The following MSH3 variants were observed in gnomAD, a reference collection of about 807,000 sequenced individuals.
MSH3 encodes mutS homolog 3.
In MSH3, 106 loss-of-function variants were observed where a neutral mutation model predicts 123.3. That is an observed-to-expected ratio of 0.86 (90% confidence interval 0.73 to 1.01). MSH3 has a LOEUF of 1.01. Among genes scored for constraint, MSH3 ranks in the 50% least tolerant of loss-of-function variants. The probability of loss-of-function intolerance (pLI) is 0.00; values close to 1 mark genes in which losing one functional copy is unlikely to be tolerated. For missense variants in MSH3, 1,459 were observed against 1,347.6 expected (o/e 1.08, Z -1.29); for synonymous variants, 515 against 481.4 (o/e 1.07, Z -0.91).
At chr5:80,668,600 T>C (rs1677645) in intron 3 of MSH3, among the ~76,000 whole-genome samples, 42,223 of 152,146 alleles carry the variant, frequency 0.28, 6,107 homozygotes, top group Middle Eastern at 0.35. Flanking sequence ...GGCTTGGCCT[T>C]AACTTTGAGA....
chr5:80,686,494 A>G (rs1334260029), intron 8 of MSH3, among the ~76,000 whole-genome samples: 3 of 151,846 alleles, frequency 2.0e-5, no homozygotes, highest in Non-Finnish European at 2.9e-5. Context: ...TAGTAGAGAC[A>G]GGATACGGGG....
chr5:80,868,822 A>C (rs555517802), intron 22 of MSH3, among the ~76,000 whole-genome samples: 1 of 151,924 alleles, frequency 6.6e-6, no homozygotes, highest in South Asian at 2.1e-4. Context: ...TTTATAGTTC[A>C]GCCAGGATTA....
In MSH3 at chr5:80,827,836, GAGAT is replaced by G. The variant is rs1257368904; in HGVS notation, c.2813+14101_2813+14104del. Among the ~76,000 whole-genome samples, 6 of 152,276 alleles carry G rather than the reference GAGAT, an allele frequency of 3.9e-5. No individual in the cohort carries two copies. The East Asian group carries it at 1.2e-3, about 29-fold the overall frequency. ...AAATCTTCTGATTGAAGATCCCCTG[GAGAT>G]AGATACTGTTGTAGTAGGTATGATG... On this transcript the variant is annotated intron_variant, in intron 20 of 23. Transcript: ENST00000265081.
intron 2 of MSH3, among the ~76,000 whole-genome samples, chr5:80,664,519 C>T (rs1749520503): frequency 6.6e-6 from 1 of 152,122 alleles, no homozygotes; most frequent in Admixed American, 6.5e-5. Context: ...ACTCCATCAA[C>T]TGTGCTTGTT....
chr5:80,700,170 C>T (rs1043415534), intron 8 of MSH3, among the ~76,000 whole-genome samples: 4 of 151,972 alleles, frequency 2.6e-5, no homozygotes. Flanking sequence ...ACTTGAGGTC[C>T]GGAGTTCAAG....
intron 18 of MSH3, among the ~76,000 whole-genome samples, chr5:80,788,758 G>A (rs1423639884): frequency 1.3e-5 from 2 of 150,130 alleles, no homozygotes. Flanking sequence ...AGCCATGATA[G>A]TGCCCATGCA....
In MSH3 at chr5:80,872,964, T is replaced by C. The variant is rs539170391; in HGVS notation, c.3131-152T>C. ...CAGTATTTACCCTTTTCTAGACATA[T>C]CAAATTGATAAATGGATCTAACAGG... is the stretch of plus-strand genomic sequence containing the variant. On this transcript the variant is annotated intron_variant, in intron 22 of 23. Transcript: ENST00000265081. 5.6e-6 allele frequency: 4 copies of C among 717,116 alleles called. No homozygotes were observed. The East Asian group carries it at 8.0e-5, about 14-fold the overall frequency. The allele number at this position is 717,116 out of a possible 1,614,324, so 44.4% of individuals were successfully genotyped here.
chr5:80,693,542 T>TGTATATGTTTAGATAAATATAC (rs1255140094), intron 8 of MSH3, among the ~76,000 whole-genome samples: 5 of 115,002 alleles, frequency 4.3e-5, no homozygotes, highest in South Asian at 2.7e-4. Context: ...TATAAATATA[T>TGTATATGTTTAGATAAATATAC]ATGCACATGT....
Position 80,675,168 on chromosome 5 carries a change from A to G in MSH3, c.1173+40A>G, listed in dbSNP as rs1461873825. On this transcript the variant is annotated intron_variant, in intron 7 of 23. Coordinates refer to ENST00000265081, the MANE Select transcript of MSH3 (RefSeq NM_002439.5). ...GGTGAGGAACAAATGTTAGATGTTC[A>G]TGGTATCTCTAAATATGATCTATCA... is the stretch of plus-strand genomic sequence containing the variant. 6.3e-7 allele frequency: 1 copy of G among 1,599,050 alleles called. No individual in the cohort carries two copies. The highest frequency in any genetic ancestry group is 8.6e-7 in the Non-Finnish European group (1 of 1,166,534).
chr5:80,818,964 CTG>C (rs1459844384), intron 20 of MSH3, among the ~76,000 whole-genome samples: 1 of 152,234 alleles, frequency 6.6e-6, no homozygotes, highest in South Asian at 2.1e-4. Context: ...TTGTTTCAAA[CTG>C]TGCGTATGAA....
rs545266714 is a variant in MSH3, at chr5:80,780,065, C to T, written c.2435+1229C>T. Among the ~76,000 whole-genome samples the T allele has an allele frequency of 1.8e-3, 272 of 152,222 alleles. 1 individual carries two copies. Among genetic ancestry groups the T allele is most frequent in the African/African-American group, 6.1e-3 (255 of 41,560 alleles). On this transcript the variant is annotated intron_variant, in intron 17 of 23. Coordinates refer to ENST00000265081, the MANE Select transcript of MSH3 (RefSeq NM_002439.5). ...TTTACCATGGTATTTTTTGAAGAGT[C>T]CTTGCCATTGTCTCAAAGAATGCCT...
chr5:80,827,416 G>A (rs1026842228), intron 20 of MSH3, among the ~76,000 whole-genome samples: 2 of 152,182 alleles, frequency 1.3e-5, no homozygotes, highest in East Asian at 3.8e-4. Context: ...CAAGTACTTA[G>A]TAACTTATTT....
chr5:80,866,951 G>A (rs1746110952), intron 22 of MSH3, among the ~76,000 whole-genome samples: 1 of 152,080 alleles, frequency 6.6e-6, no homozygotes, highest in South Asian at 2.1e-4. Context: ...CTCTCTAGAT[G>A]TTTTTCCACA....
At chr5:80,693,742 C>A (rs1006545208) in intron 8 of MSH3, among the ~76,000 whole-genome samples, 6 of 152,112 alleles carry the variant, frequency 3.9e-5, no homozygotes, top group African/African-American at 1.4e-4. Flanking sequence ...ACTGCAACCT[C>A]CATCTCCTGG....
chr5:80,754,811 T>A (rs1743896414), intron 12 of MSH3, among the ~76,000 whole-genome samples: 1 of 152,208 alleles, frequency 6.6e-6, no homozygotes, highest in Non-Finnish European at 1.5e-5. Context: ...TAAACCCATA[T>A]GTTTGGAGTA....
At chr5:80,759,989 G>T (rs960802900) in intron 12 of MSH3, among the ~76,000 whole-genome samples, 3 of 152,184 alleles carry the variant, frequency 2.0e-5, no homozygotes, top group African/African-American at 7.2e-5. Flanking sequence ...TTATGAAAAG[G>T]CATGATCTCA....
chr5:80,704,000 T>A (rs565403679), intron 8 of MSH3, among the ~76,000 whole-genome samples: 1 of 152,236 alleles, frequency 6.6e-6, no homozygotes, highest in African/African-American at 2.4e-5. Flanking sequence ...CCTGCGAGAT[T>A]TGGCCTGCAG....
At chr5:80,754,526 A>G (rs1441678035) in intron 12 of MSH3, among the ~76,000 whole-genome samples, 1 of 152,174 alleles carries the variant, frequency 6.6e-6, no homozygotes, top group African/African-American at 2.4e-5. Flanking sequence ...TTTTGTACTA[A>G]AATCAAATAC....
intron 20 of MSH3, among the ~76,000 whole-genome samples, chr5:80,848,541 T>C (rs920193206): frequency 3.3e-5 from 5 of 152,232 alleles, no homozygotes. Flanking sequence ...CAGTTCCACA[T>C]GGCTGGGAAG....
Sources: gnomAD v4.1 joint callset for allele counts (sites outside exome capture counted in the v4.1 genomes callset) on GRCh38, gnomAD v4.1.1 for gene constraint, MANE v1.5 for transcripts, NCBI Gene and HGNC (gene_info 2026-07-23, HGNC 2026-07-21) for gene names.